GMDS: variants seen among roughly 807,000 people sequenced by gnomAD.
GMDS encodes GDP-mannose 4,6 dehydratase.
A neutral mutation model predicts 49.9 loss-of-function variants in GMDS; 20 were observed. That is an observed-to-expected ratio of 0.40 (90% confidence interval 0.28 to 0.58). GMDS has a LOEUF of 0.58. Ranked by LOEUF, GMDS falls within the 20% of genes least tolerant of loss-of-function variation. GMDS has a pLI of 0.42. For missense variants in GMDS, 362 were observed against 481.4 expected, an observed-to-expected ratio of 0.75 and a Z score of 2.32; for synonymous variants, 177 against 178.6, an observed-to-expected ratio of 0.99 and a Z score of 0.07.
intron 9 of GMDS, among the ~76,000 whole-genome samples, chr6:1,701,389 A>G (rs976273280): frequency 7.2e-5 from 11 of 152,132 alleles, no homozygotes; most frequent in Non-Finnish European, 1.0e-4. Context: ...CTTCAACCCA[A>G]TGTCTCCACA....
intron 7 of GMDS, among the ~76,000 whole-genome samples, chr6:1,782,684 T>G (rs1769151978): frequency 6.6e-6 from 1 of 152,190 alleles, no homozygotes; most frequent in African/African-American, 2.4e-5. Context: ...AGGAAGTTGT[T>G]AGGAAGGAAT....
intron 4 of GMDS, among the ~76,000 whole-genome samples, chr6:1,962,264 T>C (rs1763991599): frequency 6.6e-6 from 1 of 152,230 alleles, no homozygotes; most frequent in African/African-American, 2.4e-5. Flanking sequence ...CACTCTCTGG[T>C]CCCCAACTCT....
At chr6:2,030,026 T>G (rs1396918851) in intron 4 of GMDS, among the ~76,000 whole-genome samples, 1 of 151,880 alleles carries the variant, frequency 6.6e-6, no homozygotes, top group Admixed American at 6.6e-5. Context: ...TTTCTCCCAG[T>G]GATATGAAGA....
chr6:1,710,612 C>T (rs904711176), intron 9 of GMDS, among the ~76,000 whole-genome samples: 2 of 142,946 alleles, frequency 1.4e-5, no homozygotes, highest in Non-Finnish European at 3.1e-5. Context: ...GAATGGTCCC[C>T]CTAGACCTGG....
At chr6:2,166,404 ATAT>A (rs1777672680) in intron 1 of GMDS, among the ~76,000 whole-genome samples, 1 of 152,244 alleles carries the variant, frequency 6.6e-6, no homozygotes, top group South Asian at 2.1e-4. Context: ...TACTAAGAAA[ATAT>A]TACAATTATC....
rs116031683 is a variant in GMDS, at chr6:2,117,015, T to C, written c.235+454A>G. Among the ~76,000 whole-genome samples the C allele has an allele frequency of 7.5e-3, 1,147 of 152,320 alleles. 14 individuals are homozygous for C. Among genetic ancestry groups the C allele is most frequent in the African/African-American group, 0.026 (1,097 of 41,576 alleles). On this transcript the variant is annotated intron_variant, in intron 3 of 10. Coordinates refer to ENST00000380815, the MANE Select transcript of GMDS (RefSeq NM_001500.4). ...AAACAACTGCAAATGCTGACAATGA[T>C]CAGTCATTTAGAACAGTTTTGATTG...
chr6:1,774,207 A>AGCTGC (rs1330275055), intron 7 of GMDS, among the ~76,000 whole-genome samples: 1 of 152,250 alleles, frequency 6.6e-6, no homozygotes, highest in Non-Finnish European at 1.5e-5. Context: ...ATATAAACAT[A>AGCTGC]GCTGCAGAAT....
At chr6:1,937,648 C>A (rs752505029) in intron 6 of GMDS, among the ~76,000 whole-genome samples, 4 of 152,230 alleles carry the variant, frequency 2.6e-5, no homozygotes, top group Non-Finnish European at 4.4e-5. Flanking sequence ...ATAGTGCTTT[C>A]TCCAATGTGT....
intron 4 of GMDS, among the ~76,000 whole-genome samples, chr6:2,071,963 GT>G (rs1267697348): frequency 6.6e-6 from 1 of 152,168 alleles, no homozygotes; most frequent in Non-Finnish European, 1.5e-5. Context: ...GGAAAAAAGA[GT>G]AAAAGTGATG....
chr6:2,111,137 G>C (rs901267822), intron 4 of GMDS, among the ~76,000 whole-genome samples: 1 of 152,070 alleles, frequency 6.6e-6, no homozygotes, highest in Non-Finnish European at 1.5e-5. Flanking sequence ...TCGAAAATCC[G>C]GACAGCAATT....
intron 1 of GMDS, among the ~76,000 whole-genome samples, chr6:2,238,639 A>G (rs992014175): frequency 6.6e-6 from 1 of 152,196 alleles, no homozygotes; most frequent in Non-Finnish European, 1.5e-5. Flanking sequence ...AGGAACAGTG[A>G]TAGGCCTTAT....
chr6:1,789,248 T>C lies in GMDS; in HGVS notation c.772-46662A>G, dbSNP rs991840239. On this transcript the variant is annotated intron_variant, in intron 7 of 10. Transcript: ENST00000380815. The stretch of plus-strand genomic sequence containing the variant: ...GAAGCTGCACTGCCCAGGGTTTCTA[T>C]TGAGGTTTCATTACATAGTCATGAC... 7.2e-5 allele frequency among the ~76,000 whole-genome samples: 11 copies of C among 152,322 alleles called. No homozygotes were observed. The South Asian group carries it at 1.2e-3, about 17-fold the overall frequency.
chr6:1,985,528 CTT>C (rs1765495567), intron 4 of GMDS, among the ~76,000 whole-genome samples: 1 of 151,798 alleles, frequency 6.6e-6, no homozygotes, highest in South Asian at 2.1e-4. Flanking sequence ...TTAACAATGA[CTT>C]TTAAATATAT....
chr6:2,001,240 T>TGA, intron 4 of GMDS, among the ~76,000 whole-genome samples: 1 of 152,234 alleles, frequency 6.6e-6, no homozygotes, highest in Non-Finnish European at 1.5e-5. Flanking sequence ...CCCTAATGAC[T>TGA]AATGATGTCA....
intron 6 of GMDS, chr6:1,952,129 G>T: frequency 3.4e-6 from 1 of 295,368 alleles, no homozygotes; most frequent in Non-Finnish European, 5.0e-6. Context: ...TTTCCTCATT[G>T]CTGAAAAAAG....
At chr6:1,773,031 G>C (rs544871487) in intron 7 of GMDS, among the ~76,000 whole-genome samples, 1 of 152,248 alleles carries the variant, frequency 6.6e-6, no homozygotes, top group South Asian at 2.1e-4. Flanking sequence ...CAAATGGCAG[G>C]GTTAAAGCAA....
chr6:2,210,822 T>A (rs763597347), intron 1 of GMDS, among the ~76,000 whole-genome samples: 2 of 152,164 alleles, frequency 1.3e-5, no homozygotes, highest in Non-Finnish European at 1.5e-5. Context: ...TGTGTCCCCA[T>A]CCAAATCTCA....
At chr6:2,141,133 G>A (rs1344851737) in intron 1 of GMDS, among the ~76,000 whole-genome samples, 2 of 152,212 alleles carry the variant, frequency 1.3e-5, no homozygotes, top group Admixed American at 6.5e-5. Context: ...AACAAAAAAT[G>A]AGCTACAAAC....
intron 7 of GMDS, among the ~76,000 whole-genome samples, chr6:1,794,341 G>A (rs1769655620): frequency 2.0e-5 from 3 of 151,892 alleles, no homozygotes; most frequent in African/African-American, 7.3e-5. Flanking sequence ...TTGGAAAATT[G>A]CAGCACCATA....
Sources: allele counts gnomAD v4.1 joint callset (sites outside exome capture counted in the v4.1 genomes callset), GRCh38; gene constraint gnomAD v4.1.1; transcripts MANE v1.5; gene names NCBI Gene and HGNC (gene_info 2026-07-23, HGNC 2026-07-21).